The following SPAG11A variants were observed in gnomAD, a reference collection of about 807,000 sequenced individuals.
The protein encoded by SPAG11A is sperm-associated antigen 11A.
Under a neutral mutation model 5.5 loss-of-function variants are expected in SPAG11A, and 2 were observed. That is an observed-to-expected ratio of 0.37 (90% CI 0.15 to 1.15). SPAG11A has a LOEUF of 1.15. Ranked by LOEUF, SPAG11A falls within the 50% of genes most tolerant of loss-of-function variation. SPAG11A has a pLI of 0.38. For synonymous variants in SPAG11A, 11 were observed against 42.7 expected (o/e 0.26, Z 2.90); for missense variants, 24 against 122.5 (o/e 0.20, Z 3.80).
chr8:7,860,307 A>T, intron 2 of SPAG11A: 2 of 1,416,536 alleles, frequency 1.4e-6, no homozygotes, highest in Non-Finnish European at 1.9e-6. Flanking sequence ...CCTATTCTGG[A>T]CCACTTCTGT....
chr8:7,851,936 C>T (rs1817934996), intron 2 of SPAG11A, among the ~76,000 whole-genome samples: 1 of 113,746 alleles, frequency 8.8e-6, no homozygotes, highest in African/African-American at 3.4e-5. Flanking sequence ...CCCTTCACTC[C>T]TCAGGGAGAA....
In SPAG11A at chr8:7,859,920, T is replaced by C. The variant is rs570815766; in HGVS notation, c.215-726T>C. ...TCACTTTGCTGTCTCCTCCAAGCTG[T>C]GACAGGGCTGAGATGATACAGAATC... On this transcript the variant is annotated intron_variant, in intron 2 of 2. Transcript: ENST00000642566. Among the ~76,000 whole-genome samples, 247 of 144,300 alleles carry C rather than the reference T, an allele frequency of 1.7e-3. 1 individual carries two copies. The highest frequency in any genetic ancestry group is 2.8e-3 in the Non-Finnish European group (184 of 65,062). 94.7% of individuals were successfully genotyped at this position (144,300 alleles called of 152,430 possible). A position where few individuals can be genotyped will look rare whatever the true frequency, so the allele number is the denominator to read the frequency against.
intron 2 of SPAG11A, among the ~76,000 whole-genome samples, chr8:7,857,659 G>A (rs1230055312): frequency 1.1e-5 from 1 of 87,534 alleles, no homozygotes; most frequent in Non-Finnish European, 2.9e-5. Context: ...AAAGCAGCTT[G>A]GAGTGCCCAA....
chr8:7,858,166 A>C (rs1183927597), intron 2 of SPAG11A, among the ~76,000 whole-genome samples: 2 of 94,710 alleles, frequency 2.1e-5, no homozygotes, highest in African/African-American at 5.8e-5. Flanking sequence ...ATAGGAGAGA[A>C]GACATCCTTC....
chr8:7,860,910 C>A lies in SPAG11A; in HGVS notation c.*77C>A, dbSNP rs1585712589. The stretch of plus-strand genomic sequence containing the variant: ...GAATGTGTGGCTTATAGTAGGTGTT[C>A]AATAAATATTTGTTGAATGAATTTA... On this transcript the variant is annotated 3_prime_UTR_variant, in exon 3 of 3. Transcript: ENST00000642566. The A allele has an allele frequency of 3.0e-6, 3 of 1,014,574 alleles. 1 individual carries two copies. In the East Asian group the frequency reaches 1.2e-4, roughly 41 times the overall value. The allele number at this position is 1,014,574 out of a possible 1,614,324, so 62.8% of individuals were successfully genotyped here. A position where few individuals can be genotyped will look rare whatever the true frequency, so the allele number is the denominator to read the frequency against.
chr8:7,860,710 T>A (rs550077291), exon 3 of SPAG11A: 1 of 1,513,434 alleles, frequency 6.6e-7, no homozygotes, highest in Admixed American at 1.8e-5. Context: ...GCAGACTTTT[T>A]TTCTGCCATT....
At chr8:7,852,692 T>G (rs1385918676) in intron 2 of SPAG11A, among the ~76,000 whole-genome samples, 7 of 150,664 alleles carry the variant, frequency 4.6e-5, no homozygotes, top group African/African-American at 1.5e-4. Flanking sequence ...ACCTTACATA[T>G]TCTTTCCTCC....
chr8:7,860,619 G>A lies in SPAG11A; in HGVS notation c.215-27G>A. On this transcript the variant is annotated intron_variant, in intron 2 of 2. Coordinates refer to ENST00000642566, the Ensembl canonical transcript of SPAG11A. ...ATTCTCTGCACTATATGAGTTAAAT[G>A]TCAACTCTCTTCTGTTGTATCCATA... 7 of 1,411,152 alleles carry A rather than the reference G, an allele frequency of 5.0e-6. 2 individuals carry two copies. The highest frequency in any genetic ancestry group is 6.7e-6 in the Non-Finnish European group (7 of 1,044,986). The allele number at this position is 1,411,152 out of a possible 1,614,324, so 87.4% of individuals were successfully genotyped here.
chr8:7,851,773 TG>T (rs1252200973), intron 2 of SPAG11A, among the ~76,000 whole-genome samples: 2 of 58,940 alleles, frequency 3.4e-5, no homozygotes, highest in African/African-American at 1.4e-4. Context: ...CTGCCAAAAG[TG>T]CTTGCAAATC....
At chr8:7,860,688 A>G (rs1818184302) in exon 3 of SPAG11A, 1 of 1,520,552 alleles carries the variant, frequency 6.6e-7, no homozygotes, top group Admixed American at 1.8e-5. Context: ...TGCCGTATGC[A>G]GCAAGGGATC....
Position 7,851,858 on chromosome 8 carries a change from G to A in SPAG11A, c.214+3015G>A, listed in dbSNP as rs1585704655. Among the ~76,000 whole-genome samples the A allele has an allele frequency of 3.6e-5, 3 of 83,340 alleles. No individual in the cohort carries two copies. The Admixed American group carries it at 4.4e-4, about 12-fold the overall frequency. 54.7% of individuals were successfully genotyped at this position (83,340 alleles called of 152,430 possible). ...TGCCCAGCTCTATCAACCCTGAGCT[G>A]GGTGATTTAGGAGCCAAACCCCTGG... On this transcript the variant is annotated intron_variant, in intron 2 of 2. Coordinates refer to ENST00000642566, the Ensembl canonical transcript of SPAG11A.
Position 7,860,037 on chromosome 8 carries a change from C to CTGT in SPAG11A, c.215-603_215-601dup, listed in dbSNP as rs1358807795. Among the ~76,000 whole-genome samples the CTGT allele has an allele frequency of 1.0e-3, 156 of 150,564 alleles. 3 individuals carry two copies. Among genetic ancestry groups the CTGT allele is most frequent in the Admixed American group, 3.8e-3 (57 of 15,074 alleles). Reference sequence around the variant, plus strand: ...CACTGTGCTGTTGTTGTTGTTGCTGCTGTTGTTGCTGCTGTTTAAAGTCAT... The same window carrying CTGT: ...CACTGTGCTGTTGTTGTTGTTGCTGCTGTTGTTGTTGCTGCTGTTTAAAGTCAT... On this transcript the variant is annotated intron_variant, in intron 2 of 2. Coordinates refer to ENST00000642566, the Ensembl canonical transcript of SPAG11A.
chr8:7,860,083 C>G (rs1168621578), intron 2 of SPAG11A, among the ~76,000 whole-genome samples: 1 of 150,086 alleles, frequency 6.7e-6, no homozygotes, highest in Non-Finnish European at 1.5e-5. Context: ...ATTTGCAGAT[C>G]TGACATAAGT....
rs1273932839 is a variant in SPAG11A at position 7,860,584 on chromosome 8, T to G, written c.215-62T>G. ...ATATAACCCTTGGCAGTGGGCTGGGTTCATCTTCTATTCTCTGCACTATAT... is the reference window on the plus strand; with the variant it reads ...ATATAACCCTTGGCAGTGGGCTGGGGTCATCTTCTATTCTCTGCACTATAT... On this transcript the variant is annotated intron_variant, in intron 2 of 2. Coordinates refer to ENST00000642566, the Ensembl canonical transcript of SPAG11A. 2.9e-4 allele frequency: 402 copies of G among 1,385,560 alleles called. 84 individuals are homozygous for G. In the East Asian group the frequency reaches 8.4e-3, roughly 29 times the overall value. The allele number at this position is 1,385,560 out of a possible 1,614,324, so 85.8% of individuals were successfully genotyped here. A position where few individuals can be genotyped will look rare whatever the true frequency, so the allele number is the denominator to read the frequency against.
intron 2 of SPAG11A, among the ~76,000 whole-genome samples, chr8:7,859,917 C>A (rs1818139259): frequency 7.0e-6 from 1 of 143,840 alleles, no homozygotes; most frequent in African/African-American, 2.5e-5. Context: ...CTCCTCCAAG[C>A]TGTGACAGGG....
In SPAG11A at chr8:7,854,419, A is replaced by G. The variant is rs562859530; in HGVS notation, c.214+5576A>G. On this transcript the variant is annotated intron_variant, in intron 2 of 2. Coordinates refer to ENST00000642566, the Ensembl canonical transcript of SPAG11A. ...TAAGATGATAAGACTCCTTGTTTGC[A>G]TAGCGGTGAGTAAAAATAAATAAAA... is the stretch of plus-strand genomic sequence containing the variant. Among the ~76,000 whole-genome samples, 185 of 130,488 alleles carry G rather than the reference A, an allele frequency of 1.4e-3. 2 individuals carry two copies. Among genetic ancestry groups the G allele is most frequent in the African/African-American group, 4.4e-3 (167 of 38,066 alleles). 85.6% of individuals were successfully genotyped at this position (130,488 alleles called of 152,430 possible). A position where few individuals can be genotyped will look rare whatever the true frequency, so the allele number is the denominator to read the frequency against.
rs771667681 is a variant in SPAG11A, at chr8:7,860,828, A to G, written c.397A>G (p.Ile133Val). Residue 133 changes from isoleucine (I) to valine (V), a missense_variant, in exon 3 of 3, where the codon ATC (isoleucine) becomes GTC (valine). Ile to Val is a conservative substitution (Grantham distance 29). Coordinates refer to ENST00000642566, the Ensembl canonical transcript of SPAG11A. ...ACCAGAGATGGATGGCAGATCTGGG[A>G]TCTAAAATATAAGCTCCCGGAAGGC... The G allele has an allele frequency of 6.6e-6, 9 of 1,358,122 alleles. No homozygotes were observed. The Admixed American group carries it at 1.9e-4, about 28-fold the overall frequency. 84.1% of individuals were successfully genotyped at this position (1,358,122 alleles called of 1,614,324 possible). A position where few individuals can be genotyped will look rare whatever the true frequency, so the allele number is the denominator to read the frequency against.
chr8:7,857,482 C>A, intron 2 of SPAG11A, among the ~76,000 whole-genome samples: 1 of 51,442 alleles, frequency 1.9e-5, no homozygotes, highest in Non-Finnish European at 3.9e-5. Context: ...TCAGAGATGT[C>A]TTCAGAACAA....
At chr8:7,860,592 C>T (rs1302766781) in intron 2 of SPAG11A, 54 bp from the exon 3 acceptor site, 1 of 1,392,274 alleles carries the variant, frequency 7.2e-7, no homozygotes, top group East Asian at 3.3e-5. Flanking sequence ...GGTTCATCTT[C>T]TATTCTCTGC....
Sources: allele counts gnomAD v4.1 joint callset (sites outside exome capture counted in the v4.1 genomes callset), GRCh38; gene constraint gnomAD v4.1.1; transcripts MANE v1.5; gene names NCBI Gene and HGNC (gene_info 2026-07-23, HGNC 2026-07-21).